Variants in HECW2 observed in about 807,000 individuals in gnomAD.
The protein encoded by HECW2 is E3 ubiquitin-protein ligase HECW2.
HECW2 carries 61 observed loss-of-function variants against 175.2 expected under a neutral mutation model. That is an observed-to-expected ratio of 0.35 (90% CI 0.28 to 0.43). The LOEUF is 0.43. HECW2 is among the 20% of genes least tolerant of loss of function. The pLI is 1.00. For synonymous variants in HECW2, 671 were observed against 731.0 expected (o/e 0.92, Z 1.32); for missense variants, 1,524 against 2,000.5 (o/e 0.76, Z 4.54).
Position 196,391,117 on chromosome 2 carries a change from A to G in HECW2, c.292+42015T>C, listed in dbSNP as rs1242075189. 2.0e-4 allele frequency among the ~76,000 whole-genome samples: 30 copies of G among 152,104 alleles called. 1 individual carries two copies. Among genetic ancestry groups the G allele is most frequent in the Admixed American group, 2.0e-3 (30 of 15,260 alleles). On this transcript the variant is annotated intron_variant, in intron 2 of 28. Coordinates refer to ENST00000644978, the MANE Select transcript of HECW2 (RefSeq NM_001348768.2). ...CAGCAAGAGACAGGAGGCAGGGAGG[A>G]GAGTAAGACTGGAATATTTAAACTC...
intron 1 of HECW2, among the ~76,000 whole-genome samples, chr2:196,530,408 C>T (rs1688802164): frequency 6.6e-6 from 1 of 152,158 alleles, no homozygotes; most frequent in Non-Finnish European, 1.5e-5. Context: ...TAACAGATAA[C>T]CATCCCTACA....
chr2:196,361,219 T>C lies in HECW2; in HGVS notation c.293-17455A>G, dbSNP rs1444663736. ...AGAGGTCTATAGAAAACTGAGTCAG[T>C]TTGCCACAGTTGCCACAAGATACTA... On this transcript the variant is annotated intron_variant, in intron 2 of 28. Coordinates refer to ENST00000644978, the MANE Select transcript of HECW2 (RefSeq NM_001348768.2). Among the ~76,000 whole-genome samples, 3 of 152,300 alleles carry C rather than the reference T, an allele frequency of 2.0e-5. No homozygotes were observed. In the East Asian group the frequency reaches 5.8e-4, roughly 29 times the overall value.
chr2:196,530,117 G>A (rs181411812), intron 1 of HECW2, among the ~76,000 whole-genome samples: 2 of 152,272 alleles, frequency 1.3e-5, no homozygotes, highest in East Asian at 3.9e-4. Flanking sequence ...GGCAACACTT[G>A]CCTGCAACTG....
At chr2:196,293,682 CA>C (rs921626372) in intron 13 of HECW2, among the ~76,000 whole-genome samples, 17 of 152,156 alleles carry the variant, frequency 1.1e-4, no homozygotes, top group African/African-American at 4.1e-4. Flanking sequence ...AGGAAAGAAA[CA>C]CACAGTCAAA....
At chr2:196,525,973 G>C (rs377125651) in intron 1 of HECW2, among the ~76,000 whole-genome samples, 2 of 81,138 alleles carry the variant, frequency 2.5e-5, no homozygotes, top group African/African-American at 1.0e-4. Context: ...TGCTCTTCTC[G>C]AGGAGTATCT....
At chr2:196,344,487 A>G (rs1692881118) in intron 2 of HECW2, among the ~76,000 whole-genome samples, 1 of 152,088 alleles carries the variant, frequency 6.6e-6, no homozygotes, top group Non-Finnish European at 1.5e-5. Context: ...TAGATTCAAC[A>G]GAGGCCATGA....
intron 1 of HECW2, among the ~76,000 whole-genome samples, chr2:196,489,286 A>G (rs1442640939): frequency 6.6e-6 from 1 of 152,192 alleles, no homozygotes; most frequent in African/African-American, 2.4e-5. Context: ...TCAAGGACTG[A>G]AAGAGAGAGA....
At chr2:196,213,554 C>G (rs1022679926) in intron 28 of HECW2, among the ~76,000 whole-genome samples, 1 of 152,076 alleles carries the variant, frequency 6.6e-6, no homozygotes, top group South Asian at 2.1e-4. Context: ...GGGCTTGTTA[C>G]GGAGAGGGTA....
At chr2:196,203,692 T>C (rs1359260795) in intron 28 of HECW2, among the ~76,000 whole-genome samples, 1 of 152,234 alleles carries the variant, frequency 6.6e-6, no homozygotes, top group African/African-American at 2.4e-5. Context: ...AACTTTTCAG[T>C]ATTTTTATTG....
At chr2:196,583,657 A>G (rs112275185) in intron 1 of HECW2, among the ~76,000 whole-genome samples, 4,558 of 152,304 alleles carry the variant, frequency 0.03, 126 homozygotes, top group Non-Finnish European at 0.036. Flanking sequence ...TGACATTTTA[A>G]AAGTCCAAAA....
chr2:196,446,483 A>G (rs1488043961), intron 1 of HECW2, among the ~76,000 whole-genome samples: 4 of 152,236 alleles, frequency 2.6e-5, no homozygotes, highest in Admixed American at 2.6e-4. Context: ...TGACAGACAG[A>G]CATCACCTCT....
chr2:196,301,537 C>G (rs1211038261), intron 13 of HECW2, among the ~76,000 whole-genome samples: 1 of 152,072 alleles, frequency 6.6e-6, no homozygotes, highest in Non-Finnish European at 1.5e-5. Context: ...TCGCCAGCAT[C>G]TGTTGTGTTC....
chr2:196,455,575 T>C (rs900431405), intron 1 of HECW2, among the ~76,000 whole-genome samples: 7 of 152,168 alleles, frequency 4.6e-5, no homozygotes, highest in Non-Finnish European at 8.8e-5. Flanking sequence ...TCAGACAACT[T>C]TTTCCATATA....
chr2:196,259,013 G>A (rs572058119), intron 17 of HECW2, among the ~76,000 whole-genome samples: 13 of 152,232 alleles, frequency 8.5e-5, no homozygotes, highest in East Asian at 1.9e-4. Flanking sequence ...TTACTCTGTC[G>A]TCCAGGCCAG....
intron 2 of HECW2, among the ~76,000 whole-genome samples, chr2:196,428,853 T>C (rs1049359804): frequency 1.3e-5 from 2 of 152,182 alleles, no homozygotes; most frequent in Non-Finnish European, 2.9e-5. Flanking sequence ...AGTGGCTCTA[T>C]TAGGAACAAC....
chr2:196,532,241 A>G (rs901467286), intron 1 of HECW2, among the ~76,000 whole-genome samples: 1 of 152,258 alleles, frequency 6.6e-6, no homozygotes, highest in African/African-American at 2.4e-5. Flanking sequence ...ATGTCCATCA[A>G]TGATAGACTG....
intron 19 of HECW2, among the ~76,000 whole-genome samples, chr2:196,252,178 A>AAATACTAAT (rs71410608): frequency 1.5e-5 from 2 of 133,250 alleles, no homozygotes; most frequent in Non-Finnish European, 3.2e-5. Context: ...CTCCGATTCA[A>AAATACTAAT]AATAATAATA....
At chr2:196,280,838 T>C (rs1023572786) in intron 14 of HECW2, among the ~76,000 whole-genome samples, 1 of 152,222 alleles carries the variant, frequency 6.6e-6, no homozygotes, top group African/African-American at 2.4e-5. Flanking sequence ...CACCAATGGA[T>C]GTGGCTAATA....
At chr2:196,531,661 C>CAAAA (rs1168825418) in intron 1 of HECW2, among the ~76,000 whole-genome samples, 2 of 100,100 alleles carry the variant, frequency 2.0e-5, no homozygotes, top group African/African-American at 5.7e-5. Context: ...GACTCTGTCT[C>CAAAA]AAAAAAAAAA....
Sources: gnomAD v4.1 joint callset for allele counts (sites outside exome capture counted in the v4.1 genomes callset) on GRCh38, gnomAD v4.1.1 for gene constraint, MANE v1.5 for transcripts, NCBI Gene and HGNC (gene_info 2026-07-23, HGNC 2026-07-21) for gene names.